The following CSMD2 variants were observed in gnomAD, a reference collection of about 807,000 sequenced individuals.
The protein encoded by CSMD2 is CUB and sushi domain-containing protein 2.
CSMD2 carries 130 observed loss-of-function variants against 398.5 expected under a neutral mutation model. That is an observed-to-expected ratio of 0.33 (90% CI 0.28 to 0.38). The LOEUF is 0.38. CSMD2 is among the 10% of genes least tolerant of loss of function. CSMD2 has a pLI of 1.00. For synonymous variants in CSMD2, 1,828 were observed against 1,908.5 expected, an observed-to-expected ratio of 0.96 and a Z score of 1.10; for missense variants, 3,829 against 4,764.9, an observed-to-expected ratio of 0.80 and a Z score of 5.78.
At chr1:33,827,850 G>A (rs540210667) in intron 6 of CSMD2, among the ~76,000 whole-genome samples, 41 of 152,300 alleles carry the variant, frequency 2.7e-4, no homozygotes, top group Admixed American at 9.8e-4. Context: ...CTCTTTTCTT[G>A]TGATCTGCAC....
intron 13 of CSMD2, among the ~76,000 whole-genome samples, chr1:33,754,080 T>C (rs1648646651): frequency 6.6e-6 from 1 of 152,208 alleles, no homozygotes; most frequent in Non-Finnish European, 1.5e-5. Flanking sequence ...GAAGGGATAA[T>C]TGTATTTTAC....
At chr1:33,733,291 C>T (rs1646780164) in intron 15 of CSMD2, among the ~76,000 whole-genome samples, 2 of 152,180 alleles carry the variant, frequency 1.3e-5, no homozygotes, top group African/African-American at 4.8e-5. Flanking sequence ...CCCTTACCAC[C>T]TGTCTTCCAC....
At chr1:33,542,919 T>G (rs1656497812) in intron 57 of CSMD2, 23 bp from the exon 58 acceptor site, 1 of 1,608,748 alleles carries the variant, frequency 6.2e-7, no homozygotes, top group Admixed American at 1.7e-5. Flanking sequence ...AAATACACAT[T>G]ATTCACCAGA....
At chr1:33,643,585 T>G (rs1643235465) in intron 29 of CSMD2, among the ~76,000 whole-genome samples, 1 of 152,196 alleles carries the variant, frequency 6.6e-6, no homozygotes, top group Non-Finnish European at 1.5e-5. Flanking sequence ...AGTGTCACTG[T>G]CCCTTTTTCA....
In CSMD2 at chr1:33,716,312, T is replaced by C. The variant is rs769816888; in HGVS notation, c.3191A>G (p.Tyr1064Cys). The change falls in exon 20 of 71, where the codon TAT becomes TGT. Residue 1064 changes from tyrosine to cysteine, a missense_variant. Physicochemically the swap from Tyr to Cys is radical, Grantham distance 194. This residue lies in a region of CSMD2 where 2,001 missense variants were observed against 2,567.1 expected (regional missense o/e 0.78). Coordinates refer to ENST00000373381, the MANE Select transcript of CSMD2 (RefSeq NM_001281956.2). ...VRFISDFSMS[Y>C]EGFNITFSEY... Reference sequence around the variant, plus strand: ...TGAGAAGGTGATGTTGAATCCTTCATATGACATGGAGAAATCAGAGATGAA... The same window carrying C: ...TGAGAAGGTGATGTTGAATCCTTCACATGACATGGAGAAATCAGAGATGAA... 14 of 1,614,146 alleles carry C rather than the reference T, an allele frequency of 8.7e-6. No homozygotes were observed. The South Asian group carries it at 1.3e-4, about 15-fold the overall frequency.
At chr1:33,781,003 G>A (rs1195802442) in intron 12 of CSMD2, among the ~76,000 whole-genome samples, 2 of 152,202 alleles carry the variant, frequency 1.3e-5, no homozygotes, top group Non-Finnish European at 2.9e-5. Flanking sequence ...GGTGAGTGAT[G>A]CTGGTCGGCT....
chr1:34,083,966 A>G (rs1657559977), intron 2 of CSMD2, among the ~76,000 whole-genome samples: 1 of 151,344 alleles, frequency 6.6e-6, no homozygotes, highest in South Asian at 2.1e-4. Flanking sequence ...TGCTGTGGCT[A>G]TTGTTGTCAT....
intron 26 of CSMD2, among the ~76,000 whole-genome samples, chr1:33,662,631 C>G (rs1276715444): frequency 1.3e-5 from 2 of 152,176 alleles, no homozygotes; most frequent in African/African-American, 4.8e-5. Context: ...CTTGATGCTC[C>G]AAGGTGACCA....
At chr1:33,947,331 C>T (rs1570594945) in intron 3 of CSMD2, among the ~76,000 whole-genome samples, 1 of 152,304 alleles carries the variant, frequency 6.6e-6, no homozygotes, top group East Asian at 1.9e-4. Context: ...TCTTAGTCCC[C>T]TATATCCTGC....
chr1:33,573,375 T>C (rs12119353), intron 49 of CSMD2, among the ~76,000 whole-genome samples: 33,714 of 151,912 alleles, frequency 0.22, 3,988 homozygotes, highest in Non-Finnish European at 0.26. Flanking sequence ...AAGTTTAAAA[T>C]AAATGTCCCC....
intron 3 of CSMD2, among the ~76,000 whole-genome samples, chr1:33,997,724 AAG>A (rs1646772401): frequency 6.6e-6 from 1 of 152,274 alleles, no homozygotes; most frequent in East Asian, 1.9e-4. Context: ...AAAAGAGAGA[AAG>A]AGAGAGTTGG....
intron 19 of CSMD2, among the ~76,000 whole-genome samples, chr1:33,718,485 T>C (rs1211891323): frequency 6.6e-6 from 1 of 152,164 alleles, no homozygotes; most frequent in South Asian, 2.1e-4. Flanking sequence ...GAGTATCCTA[T>C]TGGGACTATG....
intron 29 of CSMD2, among the ~76,000 whole-genome samples, chr1:33,640,550 C>A (rs1196992888): frequency 6.6e-6 from 1 of 152,188 alleles, no homozygotes. Context: ...TGAGCAGTGG[C>A]AACAGAGACC....
chr1:34,101,190 G>C (rs1186614645), intron 1 of CSMD2, among the ~76,000 whole-genome samples: 2 of 152,224 alleles, frequency 1.3e-5, no homozygotes, highest in Admixed American at 6.5e-5. Context: ...AGATGGGAAT[G>C]CTGCTACTGA....
Position 33,605,328 on chromosome 1 carries a change from T to G in CSMD2, c.6486A>C (p.Gln2162His). ...GGTCCCAGTTCCGGTTGGTGCCATG[T>G]TGACACGTGAGGACAGGGTGGCCAG... ...QLTGHPVLTCQHGTNRNWDHP... is the reference protein window; with the variant it reads ...QLTGHPVLTCHHGTNRNWDHP... The change falls in exon 42 of 71, where the codon CAA becomes CAC. Residue 2162 changes from glutamine (Q) to histidine (H), a missense_variant. Gln to His is a conservative substitution (Grantham distance 24). Transcript: ENST00000373381. 1 of 1,614,182 alleles carries G rather than the reference T, an allele frequency of 6.2e-7. No individual in the cohort carries two copies. The highest frequency in any genetic ancestry group is 8.5e-7 in the Non-Finnish European group (1 of 1,180,024).
intron 44 of CSMD2, among the ~76,000 whole-genome samples, chr1:33,595,570 T>A (rs1639783720): frequency 6.6e-6 from 1 of 152,212 alleles, no homozygotes; most frequent in Non-Finnish European, 1.5e-5. Flanking sequence ...TGGATATACA[T>A]AGTGTTCTGT....
intron 14 of CSMD2, among the ~76,000 whole-genome samples, chr1:33,742,434 A>G (rs1647100170): frequency 6.6e-6 from 1 of 152,210 alleles, no homozygotes; most frequent in South Asian, 2.1e-4. Flanking sequence ...GAAAGGATCT[A>G]GTTAATTGCT....
Position 33,572,548 on chromosome 1 carries a change from T to C in CSMD2, c.7720A>G (p.Thr2574Ala), listed in dbSNP as rs770489446. The change falls in exon 50 of 71, where the codon ACA (threonine) becomes GCA (alanine). Residue 2574 changes from threonine to alanine, a missense_variant. Thr to Ala is a moderately conservative substitution (Grantham distance 58, BLOSUM62 0). Around this residue, in one of 5 missense-constraint regions of CSMD2, gnomAD observed 723 missense variants for 758.6 expected, o/e 0.95. Coordinates refer to ENST00000373381, the MANE Select transcript of CSMD2 (RefSeq NM_001281956.2). The stretch of plus-strand genomic sequence containing the variant: ...ACATTGCGGTTGCTCCATAGGCCTG[T>C]GTCCAGACACTCTGCAGTGGCCTCA... ...GAEATAECLD[T>A]GLWSNRNVPP... is the part of the protein sequence containing the mutation. 1.1e-5 allele frequency: 18 copies of C among 1,613,744 alleles called. No homozygotes were observed. In the East Asian group the frequency reaches 2.9e-4, roughly 26 times the overall value.
intron 2 of CSMD2, among the ~76,000 whole-genome samples, chr1:34,063,034 A>C (rs1463408860): frequency 1.3e-5 from 2 of 152,140 alleles, no homozygotes; most frequent in Admixed American, 6.5e-5. Context: ...AACCCCGATA[A>C]AACCATCAGA....
Sources: gnomAD v4.1 joint callset for allele counts (sites outside exome capture counted in the v4.1 genomes callset) on GRCh38, gnomAD v4.1.1 for gene constraint, gnomAD v4.1.1 regional missense constraint, MANE v1.5 for transcripts, NCBI Gene and HGNC (gene_info 2026-07-23, HGNC 2026-07-21) for gene names.